The following LGSN variants were observed in gnomAD, a reference collection of about 807,000 sequenced individuals.
LGSN encodes lengsin, lens protein with glutamine synthetase domain, also known as lengsin.
In LGSN, 21 loss-of-function variants were observed where a neutral mutation model predicts 19.5. That is an observed-to-expected ratio of 1.07 (90% CI 0.76 to 1.55). LGSN has a LOEUF of 1.55. LGSN is among the 40% of genes most tolerant of loss of function. LGSN has a pLI of 0.00. For synonymous variants in LGSN, 257 were observed against 215.6 expected, an observed-to-expected ratio of 1.19 and a Z score of -1.68; for missense variants, 673 against 608.5, an observed-to-expected ratio of 1.11 and a Z score of -1.12.
At chr6:63,332,439 C>G in the LGSN span, among the ~76,000 whole-genome samples, 1 of 152,070 alleles carries the variant, frequency 6.6e-6, no homozygotes, top group African/African-American at 2.4e-5. Flanking sequence ...CGCTCATGGC[C>G]GCAGGGTCAA....
intron 1 of LGSN, among the ~76,000 whole-genome samples, chr6:63,310,003 A>G (rs928848236): frequency 6.6e-6 from 1 of 152,126 alleles, no homozygotes; most frequent in Non-Finnish European, 1.5e-5. Context: ...GGAAAACTCA[A>G]ATTGGTATTC....
the LGSN span, among the ~76,000 whole-genome samples, chr6:63,439,389 A>C: frequency 6.6e-6 from 1 of 152,082 alleles, no homozygotes; most frequent in East Asian, 1.9e-4. Flanking sequence ...TAATTAAAAA[A>C]ACACAAAAAT....
the LGSN span, among the ~76,000 whole-genome samples, chr6:63,427,633 A>T: frequency 2.0e-5 from 3 of 152,322 alleles, no homozygotes; most frequent in South Asian, 6.2e-4. Flanking sequence ...TCTTCAGTTT[A>T]TACTCTCTAA....
chr6:63,452,878 C>T, the LGSN span, among the ~76,000 whole-genome samples: 1 of 151,794 alleles, frequency 6.6e-6, no homozygotes, highest in Non-Finnish European at 1.5e-5. Flanking sequence ...AAGATTGAAG[C>T]TTGGATCATT....
chr6:63,306,623 T>C (rs1454930299), intron 1 of LGSN, among the ~76,000 whole-genome samples: 1 of 152,218 alleles, frequency 6.6e-6, no homozygotes, highest in Non-Finnish European at 1.5e-5. Flanking sequence ...AGTGTTGCTG[T>C]GGCAGTTAAG....
chr6:63,315,814 C>T (rs1055718085), intron 1 of LGSN, among the ~76,000 whole-genome samples: 1 of 151,044 alleles, frequency 6.6e-6, no homozygotes, highest in Admixed American at 6.6e-5. Context: ...TTCATCTCTT[C>T]ATGCTACTTA....
At chr6:63,476,628 T>G in the LGSN span, among the ~76,000 whole-genome samples, 1 of 152,152 alleles carries the variant, frequency 6.6e-6, no homozygotes, top group African/African-American at 2.4e-5. Context: ...TGGCTGGGTC[T>G]TCTCACTCAG....
At chr6:63,408,996 G>A in the LGSN span, among the ~76,000 whole-genome samples, 2 of 152,186 alleles carry the variant, frequency 1.3e-5, no homozygotes, top group South Asian at 2.1e-4. Context: ...TTGCAGCCTC[G>A]AACTTCTGGG....
At chr6:63,482,598 G>T in the LGSN span, among the ~76,000 whole-genome samples, 1 of 152,140 alleles carries the variant, frequency 6.6e-6, no homozygotes, top group Non-Finnish European at 1.5e-5. Context: ...GCATGGTGGT[G>T]CACGCCTGTG....
At chr6:63,320,817 G>A (rs971045423), upstream of LGSN, among the ~76,000 whole-genome samples, 3 of 152,106 alleles carry the variant, frequency 2.0e-5, no homozygotes, top group Admixed American at 1.3e-4. Context: ...ACTTCTTCCT[G>A]GTCTTCTGGG....
the LGSN span, among the ~76,000 whole-genome samples, chr6:63,478,199 CTAATT>C: frequency 1.3e-5 from 2 of 152,064 alleles, no homozygotes; most frequent in Non-Finnish European, 2.9e-5. Flanking sequence ...AGTTGACTGT[CTAATT>C]TAAGTTAAAC....
the LGSN span, among the ~76,000 whole-genome samples, chr6:63,564,289 AAG>A: frequency 3.3e-5 from 5 of 151,772 alleles, no homozygotes; most frequent in Non-Finnish European, 5.9e-5. Context: ...AAAAAAAAAA[AAG>A]AGAGAAATTT....
the LGSN span, among the ~76,000 whole-genome samples, chr6:63,331,257 C>T: frequency 6.6e-6 from 1 of 152,122 alleles, no homozygotes; most frequent in East Asian, 1.9e-4. Flanking sequence ...TATTCTCCCT[C>T]AATGAAAAGA....
At chr6:63,403,012 T>C in the LGSN span, among the ~76,000 whole-genome samples, 1 of 152,118 alleles carries the variant, frequency 6.6e-6, no homozygotes, top group Non-Finnish European at 1.5e-5. Context: ...CTGTAGATTT[T>C]ATACTTGTCA....
At chr6:63,442,325 C>CAAAA in the LGSN span, among the ~76,000 whole-genome samples, 1 of 152,180 alleles carries the variant, frequency 6.6e-6, no homozygotes, top group Non-Finnish European at 1.5e-5. Context: ...TTCCACAGCA[C>CAAAA]AAAAGGGGAC....
chr6:63,335,170 AG>A, the LGSN span, among the ~76,000 whole-genome samples: 1 of 151,846 alleles, frequency 6.6e-6, no homozygotes, highest in Non-Finnish European at 1.5e-5. Context: ...AATACATTGA[AG>A]AAAGGACAGT....
Position 63,280,616 on chromosome 6 carries a change from C to T in LGSN, c.935G>A (p.Gly312Glu). 1 of 1,613,972 alleles carries T rather than the reference C, an allele frequency of 6.2e-7. No homozygotes were observed. ...FFIETGFCDS[G>E]ILSHSLWDVD... ...ATCCCAGAGACTATGAGACAAAATCCCTGAATCACAAAATCCAGTCTCAAT... is the reference window on the plus strand; with the variant it reads ...ATCCCAGAGACTATGAGACAAAATCTCTGAATCACAAAATCCAGTCTCAAT... Residue 312 changes from glycine to glutamate, a missense_variant, in exon 4 of 4, where the codon GGG (glycine) becomes GAG (glutamate). Gly to Glu is a moderately conservative substitution (Grantham distance 98). Coordinates refer to ENST00000370657, the MANE Select transcript of LGSN (RefSeq NM_016571.3).
the LGSN span, among the ~76,000 whole-genome samples, chr6:63,532,538 C>G: frequency 6.6e-6 from 1 of 151,776 alleles, no homozygotes; most frequent in African/African-American, 2.4e-5. Context: ...GAGGTAGGTG[C>G]AAACCAGGTA....
chr6:63,556,057 T>C, the LGSN span, among the ~76,000 whole-genome samples: 65 of 152,284 alleles, frequency 4.3e-4, no homozygotes, highest in African/African-American at 1.5e-3. Flanking sequence ...AGAAATATTT[T>C]CCCTAAATTT....
Sources: gnomAD v4.1 joint callset for allele counts (sites outside exome capture counted in the v4.1 genomes callset) on GRCh38, gnomAD v4.1.1 for gene constraint, MANE v1.5 for transcripts, NCBI Gene and HGNC (gene_info 2026-07-23, HGNC 2026-07-21) for gene names.